The following TENM4 variants were observed in gnomAD, a reference collection of about 807,000 sequenced individuals.
TENM4 encodes teneurin-4.
Under a neutral mutation model 243.3 loss-of-function variants are expected in TENM4, and 82 were observed. The observed-to-expected ratio is 0.34, with a 90% CI of 0.28 to 0.40. The LOEUF (loss-of-function observed/expected upper bound fraction) is 0.40, where lower values mean the gene tolerates loss of function less well. Ranked by LOEUF, TENM4 falls within the 10% of genes least tolerant of loss-of-function variation. TENM4 has a pLI of 1.00. For missense variants in TENM4, 3,138 were observed against 3,673.3 expected (o/e 0.85, Z 3.77); for synonymous variants, 1,412 against 1,456.3 (o/e 0.97, Z 0.69).
Position 78,670,291 on chromosome 11 carries a change from T to C in TENM4, c.6054A>G (p.Ser2018=). The change falls in exon 32 of 34, where the codon TCA becomes TCG. Residue 2018 remains serine (S), a synonymous_variant. Transcript: ENST00000278550. ...RRVIYKYGKL[S]KLAETLYDTT... ...TGTCATAGAGCGTCTCTGCCAGCTT[T>C]GACAGTTTGCCATACTTGTATATCA... The C allele has an allele frequency of 3.1e-6, 5 of 1,613,964 alleles. No homozygotes were observed. Among genetic ancestry groups the C allele is most frequent in the Non-Finnish European group, 4.2e-6 (5 of 1,179,876 alleles).
intron 1 of TENM4, among the ~76,000 whole-genome samples, chr11:79,298,406 T>G (rs1856492471): frequency 6.7e-6 from 1 of 149,530 alleles, no homozygotes; most frequent in Non-Finnish European, 1.5e-5. Context: ...TCCCAGCTAC[T>G]CGGGAGGCTG....
rs182491338 is a variant in TENM4 at position 79,157,700 on chromosome 11, C to G, written c.-162-8894G>C. ...CACTTCTACTCCTCTTCTAAGGCCT[C>G]GTCCACAAGCTGCCTCCTCTGTAAA... On this transcript the variant is annotated intron_variant, in intron 3 of 33. Coordinates refer to ENST00000278550, the MANE Select transcript of TENM4 (RefSeq NM_001098816.3). Among the ~76,000 whole-genome samples the G allele has an allele frequency of 6.6e-5, 10 of 152,192 alleles. No homozygotes were observed. In the East Asian group the frequency reaches 1.9e-3, roughly 29 times the overall value.
chr11:78,940,513 A>C (rs1856868557), intron 6 of TENM4, among the ~76,000 whole-genome samples: 2 of 152,218 alleles, frequency 1.3e-5, no homozygotes, highest in Admixed American at 6.5e-5. Context: ...GTCTCTTGGA[A>C]GGACTAGCAG....
chr11:78,980,826 G>C (rs1857776287), intron 6 of TENM4, among the ~76,000 whole-genome samples: 1 of 152,168 alleles, frequency 6.6e-6, no homozygotes, highest in African/African-American at 2.4e-5. Context: ...TCATTGATTT[G>C]CTACCTGCTC....
At chr11:79,315,376 T>C (rs1321525151) in intron 1 of TENM4, among the ~76,000 whole-genome samples, 1 of 152,200 alleles carries the variant, frequency 6.6e-6, no homozygotes, top group East Asian at 1.9e-4. Flanking sequence ...AAAAAGGGCA[T>C]TCTGCAACAT....
chr11:78,891,109 C>T lies in TENM4; in HGVS notation c.848+129G>A, dbSNP rs1219432567. On this transcript the variant is annotated intron_variant, in intron 8 of 33. Transcript: ENST00000278550. ...TAAACTGTTGCAAGTTGAACACGGACTTGGTGATGAGCATGCCACATGGAT... is the reference window on the plus strand; with the variant it reads ...TAAACTGTTGCAAGTTGAACACGGATTTGGTGATGAGCATGCCACATGGAT... 5.2e-6 allele frequency: 4 copies of T among 763,968 alleles called. No individual in the cohort carries two copies. In the East Asian group the frequency reaches 1.1e-4, roughly 21 times the overall value. 47.3% of individuals were successfully genotyped at this position (763,968 alleles called of 1,614,324 possible).
intron 4 of TENM4, among the ~76,000 whole-genome samples, chr11:79,137,831 A>G (rs1042481177): frequency 2.0e-5 from 3 of 152,088 alleles, no homozygotes; most frequent in African/African-American, 7.2e-5. Flanking sequence ...GTTTTATGTT[A>G]GGCATAATTA....
chr11:79,287,639 T>C (rs1856280172), intron 2 of TENM4, among the ~76,000 whole-genome samples: 1 of 152,112 alleles, frequency 6.6e-6, no homozygotes, highest in Non-Finnish European at 1.5e-5. Flanking sequence ...TAATGGCCAT[T>C]TTCAACACTG....
At chr11:78,932,256 C>T (rs899488376) in intron 6 of TENM4, among the ~76,000 whole-genome samples, 1 of 152,084 alleles carries the variant, frequency 6.6e-6, no homozygotes, top group African/African-American at 2.4e-5. Context: ...CAACAATAAC[C>T]CCCTCACCAC....
chr11:79,115,988 C>T (rs1419444625), intron 4 of TENM4, among the ~76,000 whole-genome samples: 1 of 152,192 alleles, frequency 6.6e-6, no homozygotes, highest in Non-Finnish European at 1.5e-5. Context: ...GGAGTCAGGA[C>T]AATAACTTGG....
rs912854172 is a variant in TENM4, at chr11:79,326,659, C to T, written c.-320-29116G>A. Among the ~76,000 whole-genome samples, 5 of 152,186 alleles carry T rather than the reference C, an allele frequency of 3.3e-5. No individual in the cohort carries two copies. In the South Asian group the frequency reaches 8.3e-4, roughly 25 times the overall value. On this transcript the variant is annotated intron_variant, in intron 1 of 33. Coordinates refer to ENST00000278550, the MANE Select transcript of TENM4 (RefSeq NM_001098816.3). Reference sequence around the variant, plus strand: ...AACTAGGTTGGGATTAATAAGCAACCTCTCTCCCCTGAGAATCGCCATATT... The same window carrying T: ...AACTAGGTTGGGATTAATAAGCAACTTCTCTCCCCTGAGAATCGCCATATT...
Position 79,400,943 on chromosome 11 carries a change from C to T in TENM4, c.-321+39566G>A, listed in dbSNP as rs141342084. Among the ~76,000 whole-genome samples the T allele has an allele frequency of 1.6e-3, 244 of 152,328 alleles. 1 individual carries two copies. Among genetic ancestry groups the T allele is most frequent in the Middle Eastern group, 6.8e-3 (2 of 294 alleles). ...CAGGCAGGGGGCACTCTGCCCAAGTCAGACTTGGGACAGCAGGTGGCATAT... is the reference window on the plus strand; with the variant it reads ...CAGGCAGGGGGCACTCTGCCCAAGTTAGACTTGGGACAGCAGGTGGCATAT... On this transcript the variant is annotated intron_variant, in intron 1 of 33. Coordinates refer to ENST00000278550, the MANE Select transcript of TENM4 (RefSeq NM_001098816.3).
intron 4 of TENM4, among the ~76,000 whole-genome samples, chr11:79,143,625 A>G (rs1479361661): frequency 6.6e-6 from 1 of 152,076 alleles, no homozygotes; most frequent in Non-Finnish European, 1.5e-5. Flanking sequence ...ATGTATACAT[A>G]TGTAACAAAC....
chr11:79,218,445 C>T (rs996834727), intron 2 of TENM4, among the ~76,000 whole-genome samples: 2 of 152,232 alleles, frequency 1.3e-5, no homozygotes, highest in South Asian at 2.1e-4. Flanking sequence ...GTGATATGTA[C>T]GTTTTATGCT....
At chr11:79,296,234 A>G (rs1217800724) in intron 2 of TENM4, among the ~76,000 whole-genome samples, 1 of 152,186 alleles carries the variant, frequency 6.6e-6, no homozygotes, top group Non-Finnish European at 1.5e-5. Flanking sequence ...ACTCAGCAAA[A>G]GCAGAAGCTA....
At chr11:78,861,930 G>T (rs925727542) in intron 10 of TENM4, among the ~76,000 whole-genome samples, 1 of 152,168 alleles carries the variant, frequency 6.6e-6, no homozygotes. Flanking sequence ...AACCAGGCTG[G>T]GTTATTAGCT....
chr11:78,732,675 A>T, intron 20 of TENM4, 98 bp from the exon 21 acceptor site: 1 of 1,375,506 alleles, frequency 7.3e-7, no homozygotes, highest in Non-Finnish European at 9.7e-7. Context: ...AAATTACACC[A>T]AAGGGTCTCA....
At chr11:79,352,054 T>A (rs913068922) in intron 1 of TENM4, among the ~76,000 whole-genome samples, 2 of 152,208 alleles carry the variant, frequency 1.3e-5, no homozygotes, top group Non-Finnish European at 2.9e-5. Context: ...TGAAAAGAGA[T>A]AACATGTATA....
At chr11:79,248,987 G>A (rs553461048) in intron 2 of TENM4, among the ~76,000 whole-genome samples, 4 of 152,318 alleles carry the variant, frequency 2.6e-5, no homozygotes, top group Admixed American at 6.5e-5. Flanking sequence ...TCAGCTTTCC[G>A]ATGACACTAC....
Sources: allele counts gnomAD v4.1 joint callset (sites outside exome capture counted in the v4.1 genomes callset), GRCh38; gene constraint gnomAD v4.1.1; transcripts MANE v1.5; gene names NCBI Gene and HGNC (gene_info 2026-07-23, HGNC 2026-07-21).